Variants in PRELID2 observed in about 807,000 individuals in gnomAD.
The protein encoded by PRELID2 is PRELI domain containing 2.
Under a neutral mutation model 28.4 loss-of-function variants are expected in PRELID2, and 25 were observed. The observed-to-expected ratio is 0.88, with a 90% CI of 0.64 to 1.23. PRELID2 has a LOEUF of 1.23. Ranked by LOEUF, PRELID2 falls within the 50% of genes most tolerant of loss-of-function variation. The probability of loss-of-function intolerance (pLI) is 0.00; values close to 1 mark genes in which losing one functional copy is unlikely to be tolerated. For missense variants in PRELID2, 201 were observed against 214.4 expected, an observed-to-expected ratio of 0.94 and a Z score of 0.39; for synonymous variants, 76 against 71.6, an observed-to-expected ratio of 1.06 and a Z score of -0.31.
chr5:145,378,976 T>C, the PRELID2 span, among the ~76,000 whole-genome samples: 1 of 152,166 alleles, frequency 6.6e-6, no homozygotes, highest in African/African-American at 2.4e-5. Context: ...TTTTTTCTAT[T>C]AGATGAAGTT....
rs1270571600 is a variant in PRELID2, at chr5:145,758,186, T to C, written c.*2350A>G. Among the ~76,000 whole-genome samples, 1 of 152,034 alleles carries C rather than the reference T, an allele frequency of 6.6e-6. No homozygotes were observed. The highest frequency in any genetic ancestry group is 1.5e-5 in the Non-Finnish European group (1 of 67,992). ...AGGAGATTTTTTTTTTAATTCTGTC[T>C]TTTCTTAGAAAATTGGAAATAGGAA... On this transcript the variant is annotated 3_prime_UTR_variant, in exon 7 of 7. Coordinates refer to ENST00000683046, the MANE Select transcript of PRELID2 (RefSeq NM_205846.3).
chr5:145,418,878 C>G, the PRELID2 span, among the ~76,000 whole-genome samples: 1 of 142,740 alleles, frequency 7.0e-6, no homozygotes, highest in Non-Finnish European at 1.5e-5. Context: ...ATCCCTCCCC[C>G]CTACCCCCAC....
the PRELID2 span, among the ~76,000 whole-genome samples, chr5:145,460,400 A>G: frequency 1.3e-5 from 2 of 152,204 alleles, no homozygotes; most frequent in Non-Finnish European, 2.9e-5. Flanking sequence ...CTATTCTATT[A>G]TCATATAAAC....
intron 1 of PRELID2, among the ~76,000 whole-genome samples, chr5:145,727,964 C>G (rs1198514477): frequency 6.6e-6 from 1 of 152,152 alleles, no homozygotes; most frequent in Non-Finnish European, 1.5e-5. Flanking sequence ...AAAGAAAGAG[C>G]ATTTTTATCC....
At chr5:145,264,588 A>G in the PRELID2 span, among the ~76,000 whole-genome samples, 1 of 152,136 alleles carries the variant, frequency 6.6e-6, no homozygotes, top group Admixed American at 6.6e-5. Context: ...TCGACAGGAC[A>G]AGGATGCCCA....
At chr5:145,588,753 T>C (rs1335854064) in intron 1 of PRELID2, among the ~76,000 whole-genome samples, 1 of 151,930 alleles carries the variant, frequency 6.6e-6, no homozygotes, top group African/African-American at 2.4e-5. Flanking sequence ...AAAATAGTGA[T>C]GATGATCCCT....
intron 1 of PRELID2, among the ~76,000 whole-genome samples, chr5:145,513,768 G>A (rs555381173): frequency 6.6e-6 from 1 of 152,228 alleles, no homozygotes; most frequent in South Asian, 2.1e-4. Flanking sequence ...ACTCACAAAG[G>A]GAAGCTCATC....
rs1226458775 is a variant in PRELID2 at position 145,481,637 on chromosome 5, AAAAAAAAAAAAAAAAAGAAAG to A, written n.71-8343_71-8323del. 1.3e-3 allele frequency among the ~76,000 whole-genome samples: 184 copies of A among 146,446 alleles called. 1 individual carries two copies. Among genetic ancestry groups the A allele is most frequent in the African/African-American group, 4.5e-3 (180 of 40,062 alleles). On this transcript the variant is annotated intron_variant and non_coding_transcript_variant, in intron 1 of 2. Coordinates refer to the PRELID2 transcript ENST00000510259. ...AGCAAGGAAATCAAAAAAAAAAAAA[AAAAAAAAAAAAAAAAAGAAAG>A]AAAGAAAGAAAGAAAGAAAGGAAAT... is the stretch of plus-strand genomic sequence containing the variant.
intron 1 of PRELID2, among the ~76,000 whole-genome samples, chr5:145,549,159 C>G (rs1250510318): frequency 2.0e-5 from 3 of 152,174 alleles, no homozygotes; most frequent in African/African-American, 7.2e-5. Flanking sequence ...AGAGCTGTCA[C>G]AAAGCACTTG....
the PRELID2 span, among the ~76,000 whole-genome samples, chr5:145,447,086 A>T: frequency 7.2e-5 from 5 of 69,496 alleles, no homozygotes; most frequent in African/African-American, 2.3e-4. Flanking sequence ...AATAAATAAA[A>T]ATTTAAAAAT....
At chr5:145,631,797 T>C (rs916369000) in intron 1 of PRELID2, among the ~76,000 whole-genome samples, 4 of 152,232 alleles carry the variant, frequency 2.6e-5, no homozygotes, top group Non-Finnish European at 5.9e-5. Flanking sequence ...AGCACCCATT[T>C]TGTGTACATA....
At chr5:145,572,354 A>G (rs1174332407) in intron 1 of PRELID2, among the ~76,000 whole-genome samples, 3 of 152,154 alleles carry the variant, frequency 2.0e-5, no homozygotes, top group African/African-American at 7.2e-5. Flanking sequence ...GTCACTGGCA[A>G]TTGGTCATTC....
At chr5:145,708,122 T>C (rs1755595822) in intron 1 of PRELID2, among the ~76,000 whole-genome samples, 1 of 152,110 alleles carries the variant, frequency 6.6e-6, no homozygotes, top group Non-Finnish European at 1.5e-5. Flanking sequence ...CTTGGGGTGG[T>C]TGGGGGTAGA....
chr5:145,806,971 A>T (rs1275628507), intron 4 of PRELID2, among the ~76,000 whole-genome samples: 2 of 152,232 alleles, frequency 1.3e-5, no homozygotes, highest in Non-Finnish European at 1.5e-5. Flanking sequence ...TCTTGATAAC[A>T]GTATGAAAAT....
intron 1 of PRELID2, chr5:145,728,406 C>A: frequency 3.9e-6 from 2 of 513,124 alleles, no homozygotes; most frequent in South Asian, 2.1e-5. Context: ...GCTCAGAAAT[C>A]CACACTTCAA....
At chr5:145,650,521 CACATATATACAT>C (rs1581027326) in intron 1 of PRELID2, among the ~76,000 whole-genome samples, 1 of 105,390 alleles carries the variant, frequency 9.5e-6, no homozygotes, top group Admixed American at 1.2e-4. Flanking sequence ...TATCGAATCG[CACATATATACAT>C]ATATATATAT....
chr5:145,385,246 A>G, the PRELID2 span, among the ~76,000 whole-genome samples: 1 of 152,216 alleles, frequency 6.6e-6, no homozygotes, highest in Non-Finnish European at 1.5e-5. Flanking sequence ...GATCTTCCAA[A>G]GTTAAGCATG....
chr5:145,817,212 T>TAA (rs200034950), intron 4 of PRELID2, among the ~76,000 whole-genome samples: 3 of 72,840 alleles, frequency 4.1e-5, no homozygotes, highest in African/African-American at 4.3e-5. Context: ...AATAAATAAA[T>TAA]AAAAAAAAAT....
the PRELID2 span, among the ~76,000 whole-genome samples, chr5:145,381,162 A>G: frequency 6.6e-5 from 10 of 152,296 alleles, no homozygotes; most frequent in East Asian, 1.9e-4. Flanking sequence ...AATAAATTCA[A>G]CTCTTAAAAG....
Sources: allele counts gnomAD v4.1 joint callset (sites outside exome capture counted in the v4.1 genomes callset), GRCh38; gene constraint gnomAD v4.1.1; transcripts MANE v1.5; gene names NCBI Gene and HGNC (gene_info 2026-07-23, HGNC 2026-07-21).